The following FHIT variants were observed in gnomAD, a reference collection of about 807,000 sequenced individuals.
The protein encoded by FHIT is bis(5'-adenosyl)-triphosphatase.
A neutral mutation model predicts 17.9 loss-of-function variants in FHIT; 19 were observed. The observed-to-expected ratio is 1.06, with a 90% CI of 0.74 to 1.56. FHIT has a LOEUF of 1.56. FHIT is among the 40% of genes most tolerant of loss of function. The probability of loss-of-function intolerance (pLI) is 0.00; values close to 1 mark genes in which losing one functional copy is unlikely to be tolerated. For synonymous variants in FHIT, 81 were observed against 69.7 expected (o/e 1.16, Z -0.81); for missense variants, 248 against 189.2 (o/e 1.31, Z -1.82).
chr3:61,171,935 A>G (rs1290717527), intron 2 of FHIT, among the ~76,000 whole-genome samples: 1 of 152,168 alleles, frequency 6.6e-6, no homozygotes, highest in Non-Finnish European at 1.5e-5. Context: ...TCCCTTATTC[A>G]TCTCTTTTTT....
intron 8 of FHIT, among the ~76,000 whole-genome samples, chr3:59,791,161 A>T (rs1699539808): frequency 6.6e-6 from 1 of 152,060 alleles, no homozygotes; most frequent in Non-Finnish European, 1.5e-5. Flanking sequence ...GATGGGGTTG[A>T]CTCCATTTCT....
rs77501760 is a variant in FHIT at position 60,727,323 on chromosome 3, G to A, written c.-18+94596C>T. 9.9e-5 allele frequency among the ~76,000 whole-genome samples: 15 copies of A among 152,210 alleles called. 3 individuals are homozygous for A. Among genetic ancestry groups the A allele is most frequent in the East Asian group, 1.9e-4 (1 of 5,174 alleles). On this transcript the variant is annotated intron_variant, in intron 4 of 9. Coordinates refer to ENST00000492590, the MANE Select transcript of FHIT (RefSeq NM_002012.4). ...ACTAAAATTTAATATAGGGCACAAC[G>A]CTCCAGAGAATTCAGTGTATCGAAA...
chr3:60,471,031 C>A (rs2033063834), intron 5 of FHIT, among the ~76,000 whole-genome samples: 1 of 152,230 alleles, frequency 6.6e-6, no homozygotes, highest in African/African-American at 2.4e-5. Flanking sequence ...AGGCCTAGAA[C>A]AGAGGCCTCA....
chr3:60,793,477 A>G (rs1700860649), intron 4 of FHIT, among the ~76,000 whole-genome samples: 1 of 151,942 alleles, frequency 6.6e-6, no homozygotes, highest in East Asian at 1.9e-4. Flanking sequence ...TAATTTTTCT[A>G]TTTTTAGTAC....
Position 60,944,212 on chromosome 3 carries a change from C to T in FHIT, c.-111+97835G>A, listed in dbSNP as rs184102786. Among the ~76,000 whole-genome samples the T allele has an allele frequency of 1.7e-3, 258 of 152,294 alleles. 1 individual carries two copies. The highest frequency in any genetic ancestry group is 5.9e-3 in the African/African-American group (247 of 41,574). On this transcript the variant is annotated intron_variant, in intron 3 of 9. Transcript: ENST00000492590. The stretch of plus-strand genomic sequence containing the variant: ...AACCCAAAGGCACAGTATCATAGCT[C>T]CAAACATTCTATGAGAATATGCTTT...
intron 4 of FHIT, among the ~76,000 whole-genome samples, chr3:60,668,844 C>A (rs888968980): frequency 2.6e-5 from 4 of 152,096 alleles, no homozygotes; most frequent in African/African-American, 9.7e-5. Context: ...GGCTTACAGG[C>A]GTGAGCAAAC....
intron 3 of FHIT, among the ~76,000 whole-genome samples, chr3:60,955,162 C>A (rs1031903183): frequency 6.6e-6 from 1 of 151,906 alleles, no homozygotes; most frequent in Non-Finnish European, 1.5e-5. Flanking sequence ...GAAAAGCAAG[C>A]AGGAAAGCTA....
At chr3:60,067,515 T>C (rs995069649) in intron 5 of FHIT, among the ~76,000 whole-genome samples, 2 of 152,044 alleles carry the variant, frequency 1.3e-5, no homozygotes, top group Non-Finnish European at 2.9e-5. Flanking sequence ...CCTCCTTACA[T>C]GATGTACAAT....
intron 5 of FHIT, among the ~76,000 whole-genome samples, chr3:60,481,263 C>T (rs538995168): frequency 4.7e-4 from 72 of 152,250 alleles, no homozygotes; most frequent in Non-Finnish European, 7.2e-4. Flanking sequence ...AGGATATTAT[C>T]CAGGAGAGCT....
At chr3:60,488,121 T>C (rs1419855072) in intron 5 of FHIT, among the ~76,000 whole-genome samples, 1 of 152,130 alleles carries the variant, frequency 6.6e-6, no homozygotes, top group Non-Finnish European at 1.5e-5. Context: ...GGAAGTGCAA[T>C]GGTCTTACGA....
At chr3:59,976,627 T>C (rs947948688) in intron 7 of FHIT, among the ~76,000 whole-genome samples, 1 of 152,062 alleles carries the variant, frequency 6.6e-6, no homozygotes, top group African/African-American at 2.4e-5. Context: ...CACGCAGCCC[T>C]ACCTACCACA....
rs189357309 is a variant in FHIT, at chr3:60,248,024, G to A, written c.104-233872C>T. ...AATGAATATGCAAGGTTTGGAATTC[G>A]TTACTTCAGAGTAGAATTTTACCAG... On this transcript the variant is annotated intron_variant, in intron 5 of 9. Coordinates refer to ENST00000492590, the MANE Select transcript of FHIT (RefSeq NM_002012.4). Among the ~76,000 whole-genome samples the A allele has an allele frequency of 8.5e-5, 13 of 152,196 alleles. No homozygotes were observed. In the East Asian group the frequency reaches 2.1e-3, roughly 25 times the overall value.
At chr3:60,747,644 G>A (rs910854344) in intron 4 of FHIT, among the ~76,000 whole-genome samples, 21 of 152,206 alleles carry the variant, frequency 1.4e-4, no homozygotes, top group Admixed American at 1.4e-3. Flanking sequence ...CAGGTATTTA[G>A]AGAAGGCAAA....
intron 4 of FHIT, among the ~76,000 whole-genome samples, chr3:60,554,525 G>C (rs1415426131): frequency 6.6e-6 from 1 of 152,162 alleles, no homozygotes; most frequent in Non-Finnish European, 1.5e-5. Context: ...CAGAAATAAT[G>C]TCAAAAGCTT....
chr3:60,456,259 T>A (rs996693262), intron 5 of FHIT, among the ~76,000 whole-genome samples: 1 of 152,208 alleles, frequency 6.6e-6, no homozygotes, highest in Non-Finnish European at 1.5e-5. Context: ...ACAGAAGGGT[T>A]GCACAACTCC....
At chr3:60,748,364 G>T (rs1395027319) in intron 4 of FHIT, among the ~76,000 whole-genome samples, 4 of 152,170 alleles carry the variant, frequency 2.6e-5, no homozygotes, top group African/African-American at 9.7e-5. Context: ...CTCAATAAAT[G>T]GTTAAAGTTA....
At chr3:59,980,284 G>A (rs944912021) in intron 7 of FHIT, among the ~76,000 whole-genome samples, 2 of 152,114 alleles carry the variant, frequency 1.3e-5, no homozygotes, top group Non-Finnish European at 2.9e-5. Flanking sequence ...TCAGGCCAGA[G>A]GAAGGTGGCT....
chr3:61,067,604 T>C (rs929108742), intron 2 of FHIT, among the ~76,000 whole-genome samples: 2 of 152,114 alleles, frequency 1.3e-5, no homozygotes, highest in Non-Finnish European at 2.9e-5. Flanking sequence ...AGAGGTCAAA[T>C]TGATACAACA....
At chr3:60,432,546 G>A (rs942360698) in intron 5 of FHIT, among the ~76,000 whole-genome samples, 1 of 152,050 alleles carries the variant, frequency 6.6e-6, no homozygotes, top group African/African-American at 2.4e-5. Flanking sequence ...TCTTTTAAAA[G>A]CTTCTGAGGA....
Sources: allele counts gnomAD v4.1 joint callset (sites outside exome capture counted in the v4.1 genomes callset), GRCh38; gene constraint gnomAD v4.1.1; transcripts MANE v1.5; gene names NCBI Gene and HGNC (gene_info 2026-07-23, HGNC 2026-07-21).